The following NUAK1 variants were observed in gnomAD, a reference collection of about 807,000 sequenced individuals.
NUAK1 encodes the protein NUAK family kinase 1, also known as NUAK family SNF1-like kinase 1.
In NUAK1, 26 loss-of-function variants were observed where a neutral mutation model predicts 56.9. The observed-to-expected ratio is 0.46, with a 90% confidence interval of 0.33 to 0.63. NUAK1 has a LOEUF of 0.63. NUAK1 is among the 30% of genes least tolerant of loss of function. NUAK1 has a pLI of 0.02. For missense variants in NUAK1, 727 were observed against 876.1 expected (o/e 0.83, Z 2.15); for synonymous variants, 337 against 336.0 (o/e 1.00, Z -0.03).
chr12:106,123,538 C>G (rs563772406), intron 1 of NUAK1, among the ~76,000 whole-genome samples: 48 of 152,286 alleles, frequency 3.2e-4, no homozygotes. Flanking sequence ...GAAATTACAA[C>G]AAAAGGCAAC....
chr12:106,138,907 G>A lies in NUAK1; in HGVS notation c.-254C>T. 2.6e-6 allele frequency: 1 copy of A among 384,400 alleles called. No homozygotes were observed. The highest frequency in any genetic ancestry group is 4.5e-6 in the Non-Finnish European group (1 of 223,662). 23.8% of individuals were successfully genotyped at this position (384,400 alleles called of 1,614,324 possible). A position where few individuals can be genotyped will look rare whatever the true frequency, so the allele number is the denominator to read the frequency against. The stretch of plus-strand genomic sequence containing the variant: ...CTGTGGAGCGTCGGGCGAGGTGGCG[G>A]CGGTGGCAGGGGAGGCGGTGGTGTT... On this transcript the variant is annotated 5_prime_UTR_variant, in exon 1 of 7. Coordinates refer to ENST00000261402, the MANE Select transcript of NUAK1 (RefSeq NM_014840.3). This position sits in a 1 kb window ranked among gnomAD's most constrained non-coding sequence, Gnocchi z 5.0.
At chr12:106,129,967 C>A (rs994959074) in intron 1 of NUAK1, among the ~76,000 whole-genome samples, 7 of 152,074 alleles carry the variant, frequency 4.6e-5, no homozygotes, top group African/African-American at 1.2e-4. Flanking sequence ...TCTTCCTCCA[C>A]ACCTCATTCC....
chr12:106,107,799 C>A (rs554929657), intron 1 of NUAK1, among the ~76,000 whole-genome samples: 56 of 152,318 alleles, frequency 3.7e-4, no homozygotes, highest in African/African-American at 1.3e-3. Context: ...TATGACTCAA[C>A]AAGAACTGGG....
Position 106,132,006 on chromosome 12 carries a change from A to G in NUAK1, c.240+6408T>C, listed in dbSNP as rs566666970. On this transcript the variant is annotated intron_variant, in intron 1 of 6. Transcript: ENST00000261402. ...CTTTAAAGCAGATACTTCACAAATC[A>G]TAACTTACAGATGCTCCAGGACTTT... Among the ~76,000 whole-genome samples, 26 of 152,336 alleles carry G rather than the reference A, an allele frequency of 1.7e-4. No homozygotes were observed. In the South Asian group the frequency reaches 4.6e-3, roughly 27 times the overall value.
At chr12:106,136,688 C>G (rs1025006898) in intron 1 of NUAK1, among the ~76,000 whole-genome samples, 3 of 152,232 alleles carry the variant, frequency 2.0e-5, no homozygotes, top group African/African-American at 7.2e-5. Flanking sequence ...CATTCTCAAC[C>G]TGCAGCTCGA....
intron 1 of NUAK1, among the ~76,000 whole-genome samples, chr12:106,135,652 T>A (rs534379709): frequency 6.6e-6 from 1 of 152,304 alleles, no homozygotes; most frequent in South Asian, 2.1e-4. Flanking sequence ...CTGCTCCTCT[T>A]GAGAGATGCT....
intron 4 of NUAK1, among the ~76,000 whole-genome samples, chr12:106,083,654 T>C (rs2032541311): frequency 6.6e-6 from 1 of 152,206 alleles, no homozygotes; most frequent in African/African-American, 2.4e-5. Context: ...GGAAGAACAA[T>C]GCCCGGCATA....
intron 1 of NUAK1, among the ~76,000 whole-genome samples, chr12:106,124,894 G>A (rs1244197626): frequency 1.3e-5 from 2 of 152,024 alleles, no homozygotes; most frequent in Non-Finnish European, 2.9e-5. Context: ...CTACTCGGGA[G>A]GTTGAGGCAG....
intron 2 of NUAK1, among the ~76,000 whole-genome samples, chr12:106,101,314 C>T (rs906899319): frequency 2.6e-5 from 4 of 152,222 alleles, no homozygotes; most frequent in Middle Eastern, 3.2e-3. Context: ...AGGGTCACCA[C>T]GTAGCCATGA....
chr12:106,129,752 T>C (rs1377355685), intron 1 of NUAK1, among the ~76,000 whole-genome samples: 1 of 152,226 alleles, frequency 6.6e-6, no homozygotes, highest in Non-Finnish European at 1.5e-5. Flanking sequence ...TGCACCAGGC[T>C]CTGTGCTGGA....
chr12:106,127,291 A>C (rs553804107), intron 1 of NUAK1, among the ~76,000 whole-genome samples: 38 of 152,136 alleles, frequency 2.5e-4, no homozygotes, highest in African/African-American at 9.2e-4. Flanking sequence ...TGGCCCCCCA[A>C]GTAGCCAGGA....
intron 1 of NUAK1, among the ~76,000 whole-genome samples, chr12:106,119,339 C>T (rs2136478554): frequency 6.6e-6 from 1 of 152,294 alleles, no homozygotes; most frequent in East Asian, 1.9e-4. Context: ...CTATTTACTC[C>T]AAGGTGGCTC....
intron 4 of NUAK1, among the ~76,000 whole-genome samples, chr12:106,080,795 G>A (rs116715136): frequency 7.2e-5 from 11 of 152,172 alleles, no homozygotes; most frequent in African/African-American, 2.4e-4. Context: ...CACCAGAGGG[G>A]GCTCCAAGAG....
chr12:106,115,343 A>G (rs1245577058), intron 1 of NUAK1, among the ~76,000 whole-genome samples: 1 of 152,224 alleles, frequency 6.6e-6, no homozygotes, highest in Non-Finnish European at 1.5e-5. Context: ...GGTTTTATAA[A>G]TAAGTGAAAG....
Position 106,138,317 on chromosome 12 carries a change from A to G in NUAK1, c.240+97T>C. On this transcript the variant is annotated intron_variant, in intron 1 of 6. Coordinates refer to ENST00000261402, the MANE Select transcript of NUAK1 (RefSeq NM_014840.3). The surrounding 1 kb of genome is among the most constrained non-coding windows in gnomAD (Gnocchi z 5.0). ...CCCAATGAGCCCCCTCTCTGTCAAG[A>G]GAGCCCCAGGGCGCACAGACCCCCG... The G allele has an allele frequency of 6.9e-7, 1 of 1,457,224 alleles. No individual in the cohort carries two copies. Among genetic ancestry groups the G allele is most frequent in the Non-Finnish European group, 9.0e-7 (1 of 1,106,182 alleles). The allele number at this position is 1,457,224 out of a possible 1,614,324, so 90.3% of individuals were successfully genotyped here. A position where few individuals can be genotyped will look rare whatever the true frequency, so the allele number is the denominator to read the frequency against.
chr12:106,114,984 T>G (rs2032901695), intron 1 of NUAK1, among the ~76,000 whole-genome samples: 1 of 152,238 alleles, frequency 6.6e-6, no homozygotes, highest in Admixed American at 6.5e-5. Flanking sequence ...TTCAGTTCAG[T>G]TCTATCCAAA....
intron 1 of NUAK1, among the ~76,000 whole-genome samples, chr12:106,109,260 T>C (rs2032834863): frequency 6.6e-6 from 1 of 152,146 alleles, no homozygotes; most frequent in Non-Finnish European, 1.5e-5. Context: ...ATGGCCAGTA[T>C]TCATTAGCCA....
Position 106,138,595 on chromosome 12 carries a change from G to T in NUAK1, c.59C>A (p.Pro20Gln). 1 of 1,576,768 alleles carries T rather than the reference G, an allele frequency of 6.3e-7. No individual in the cohort carries two copies. ...GDRPDLGLGA[P>Q]GSPREAVAGA... ...CGCCACCGCCTCTCGGGGAGAGCCC[G>T]GCGCCCCCAGCCCCAAGTCGGGGCG... The change falls in exon 1 of 7, where the codon CCG becomes CAG. Residue 20 changes from proline (P) to glutamine (Q), a missense_variant. Physicochemically the swap from Pro to Gln is moderately conservative, Grantham distance 76. Transcript: ENST00000261402. This position sits in a 1 kb window ranked among gnomAD's most constrained non-coding sequence, Gnocchi z 5.0.
chr12:106,078,757 A>G (rs1012307227), intron 4 of NUAK1, among the ~76,000 whole-genome samples: 5 of 152,216 alleles, frequency 3.3e-5, no homozygotes, highest in Non-Finnish European at 7.3e-5. Context: ...GGAGGCTCTT[A>G]AAAGAGGGCG....
Sources: allele counts gnomAD v4.1 joint callset (sites outside exome capture counted in the v4.1 genomes callset), GRCh38; gene constraint gnomAD v4.1.1; non-coding constraint Gnocchi (gnomAD v3.1); transcripts MANE v1.5; gene names NCBI Gene and HGNC (gene_info 2026-07-23, HGNC 2026-07-21).